The following PKHD1 variants were observed in gnomAD, a reference collection of about 807,000 sequenced individuals.
The protein encoded by PKHD1 is PKHD1 ciliary IPT domain containing fibrocystin/polyductin.
PKHD1 carries 291 observed loss-of-function variants against 412.0 expected under a neutral mutation model. The observed-to-expected ratio is 0.71, with a 90% CI of 0.64 to 0.78. The LOEUF (loss-of-function observed/expected upper bound fraction) is 0.78, where lower values mean the gene tolerates loss of function less well. Ranked by LOEUF, PKHD1 falls within the 30% of genes least tolerant of loss-of-function variation. The pLI, the probability that PKHD1 is intolerant of heterozygous loss-of-function variation, is 0.00. For missense variants in PKHD1, 4,825 were observed against 4,950.7 expected (o/e 0.97, Z 0.76); for synonymous variants, 1,777 against 1,821.5 (o/e 0.98, Z 0.62).
At chr6:52,081,966 A>C (rs76657689) in intron 4 of PKHD1, among the ~76,000 whole-genome samples, 1,988 of 152,282 alleles carry the variant, frequency 0.013, 23 homozygotes, top group South Asian at 0.038. Flanking sequence ...ATATTTTCTA[A>C]ATAGAGGTAA....
chr6:51,641,741 A>G (rs1769381705), intron 63 of PKHD1, among the ~76,000 whole-genome samples: 1 of 152,208 alleles, frequency 6.6e-6, no homozygotes, highest in African/African-American at 2.4e-5. Context: ...TGTCCTTTGC[A>G]GGGACATGGA....
chr6:51,938,100 G>A (rs1347040011), intron 36 of PKHD1, among the ~76,000 whole-genome samples: 1 of 146,876 alleles, frequency 6.8e-6, no homozygotes, highest in Non-Finnish European at 1.5e-5. Flanking sequence ...CTAATGAAAG[G>A]CCACAAGGCT....
intron 52 of PKHD1, among the ~76,000 whole-genome samples, chr6:51,808,528 A>G (rs1286143577): frequency 6.8e-6 from 1 of 147,914 alleles, no homozygotes; most frequent in African/African-American, 2.5e-5. Context: ...ACACACACAC[A>G]TTTGCATGTG....
At chr6:51,670,905 G>C (rs1459519521) in intron 60 of PKHD1, among the ~76,000 whole-genome samples, 2 of 151,946 alleles carry the variant, frequency 1.3e-5, no homozygotes, top group Non-Finnish European at 2.9e-5. Flanking sequence ...TAGAGTTTCT[G>C]CCGAGAGATC....
chr6:51,928,215 A>G (rs1029280685), intron 37 of PKHD1, among the ~76,000 whole-genome samples: 27 of 152,206 alleles, frequency 1.8e-4, no homozygotes, highest in African/African-American at 6.3e-4. Context: ...TTAAATGAAT[A>G]GGAGACTGAG....
chr6:51,769,283 A>G (rs1316209110), intron 55 of PKHD1, among the ~76,000 whole-genome samples: 1 of 151,566 alleles, frequency 6.6e-6, no homozygotes, highest in African/African-American at 2.4e-5. Context: ...TATGTGAGCC[A>G]AATGTATTTT....
intron 31 of PKHD1, among the ~76,000 whole-genome samples, chr6:52,026,965 T>A (rs1397591147): frequency 6.6e-6 from 1 of 152,232 alleles, no homozygotes; most frequent in Non-Finnish European, 1.5e-5. Flanking sequence ...ATTATTGACA[T>A]GCCACTAGAT....
chr6:51,785,933 A>T (rs1281401952), intron 53 of PKHD1, among the ~76,000 whole-genome samples: 1 of 152,192 alleles, frequency 6.6e-6, no homozygotes, highest in East Asian at 1.9e-4. Context: ...TCTTTCACTG[A>T]AATCTAACTT....
chr6:51,801,535 T>A (rs1179284739), intron 52 of PKHD1, among the ~76,000 whole-genome samples: 2 of 152,024 alleles, frequency 1.3e-5, no homozygotes, highest in African/African-American at 4.8e-5. Flanking sequence ...AAACTGGTCT[T>A]AAAAATAGGC....
At chr6:51,863,467 C>T (rs139972617) in intron 48 of PKHD1, among the ~76,000 whole-genome samples, 160 of 152,172 alleles carry the variant, frequency 1.1e-3, no homozygotes, top group Admixed American at 9.2e-3. Flanking sequence ...CAAAAATTTT[C>T]GAGAAAATAA....
chr6:51,820,156 A>C (rs535004627), intron 52 of PKHD1, among the ~76,000 whole-genome samples: 7 of 150,700 alleles, frequency 4.6e-5, no homozygotes, highest in African/African-American at 1.5e-4. Context: ...TGACCTTTCC[A>C]TATGATTTAG....
intron 43 of PKHD1, among the ~76,000 whole-genome samples, chr6:51,889,405 T>C (rs928196797): frequency 1.3e-5 from 2 of 152,236 alleles, no homozygotes; most frequent in Admixed American, 6.5e-5. Context: ...TGGAACAGTT[T>C]CTTAAACTTT....
chr6:51,746,125 A>G (rs925687105), intron 59 of PKHD1, among the ~76,000 whole-genome samples: 1 of 152,192 alleles, frequency 6.6e-6, no homozygotes, highest in African/African-American at 2.4e-5. Flanking sequence ...TAATTTTCAC[A>G]TATTTGAATG....
chr6:51,679,113 C>T (rs916699038), intron 60 of PKHD1, among the ~76,000 whole-genome samples: 1 of 152,040 alleles, frequency 6.6e-6, no homozygotes, highest in Admixed American at 6.6e-5. Flanking sequence ...AATAAATCTG[C>T]GCCATATGTG....
At chr6:52,069,735 C>G (rs1179455625) in intron 10 of PKHD1, among the ~76,000 whole-genome samples, 2 of 152,110 alleles carry the variant, frequency 1.3e-5, no homozygotes, top group African/African-American at 4.8e-5. Flanking sequence ...GGAATAATGC[C>G]TGCTTCATAG....
chr6:51,759,066 T>C (rs713357), intron 55 of PKHD1, among the ~76,000 whole-genome samples: 55,414 of 152,006 alleles, frequency 0.36, 12,137 homozygotes, highest in East Asian at 0.7. Flanking sequence ...ACTCTACTAA[T>C]ATTTAGTCTT....
intron 52 of PKHD1, among the ~76,000 whole-genome samples, chr6:51,822,908 T>C (rs1242893405): frequency 1.3e-5 from 2 of 152,160 alleles, no homozygotes; most frequent in South Asian, 2.1e-4. Flanking sequence ...ATGGTACTTA[T>C]TATATTTTTC....
Position 52,024,538 on chromosome 6 carries a change from A to T in PKHD1, c.5236+36T>A, listed in dbSNP as rs763031198. The T allele has an allele frequency of 2.5e-6, 4 of 1,588,158 alleles. No homozygotes were observed. The East Asian group carries it at 8.9e-5, about 35-fold the overall frequency. On this transcript the variant is annotated intron_variant, in intron 32 of 66. Transcript: ENST00000371117. ...TGAAAGGAGCTACCAATTCATTTACATAAAGAAAGTGTGCTGTCTTATTTG... is the reference window on the plus strand; with the variant it reads ...TGAAAGGAGCTACCAATTCATTTACTTAAAGAAAGTGTGCTGTCTTATTTG...
chr6:51,884,432 T>C (rs1777882680), intron 45 of PKHD1, among the ~76,000 whole-genome samples: 1 of 152,252 alleles, frequency 6.6e-6, no homozygotes, highest in Admixed American at 6.5e-5. Flanking sequence ...TGTTGCTTTG[T>C]AGCAAGTTTT....
Sources: gnomAD v4.1 joint callset for allele counts (sites outside exome capture counted in the v4.1 genomes callset) on GRCh38, gnomAD v4.1.1 for gene constraint, MANE v1.5 for transcripts, NCBI Gene and HGNC (gene_info 2026-07-23, HGNC 2026-07-21) for gene names.